Variants in C2CD5 observed in about 807,000 individuals in gnomAD.
The protein encoded by C2CD5 is C2 domain-containing protein 5.
A neutral mutation model predicts 130.3 loss-of-function variants in C2CD5; 109 were observed. The observed-to-expected ratio is 0.84, with a 90% confidence interval of 0.72 to 0.98. C2CD5 has a LOEUF of 0.98. Ranked by LOEUF, C2CD5 falls within the 50% of genes least tolerant of loss-of-function variation. The pLI is 0.00. For missense variants in C2CD5, 996 were observed against 1,261.8 expected (o/e 0.79, Z 3.19); for synonymous variants, 454 against 429.2 (o/e 1.06, Z -0.71).
At chr12:22,491,897 A>G (rs1946403151) in intron 11 of C2CD5, among the ~76,000 whole-genome samples, 1 of 151,860 alleles carries the variant, frequency 6.6e-6, no homozygotes, top group South Asian at 2.1e-4. Context: ...AAACGACAAC[A>G]ACAAAAAACA....
intron 4 of C2CD5, among the ~76,000 whole-genome samples, chr12:22,527,166 T>C (rs1401292978): frequency 6.6e-6 from 1 of 152,116 alleles, no homozygotes; most frequent in African/African-American, 2.4e-5. Flanking sequence ...GTATCAATAC[T>C]AGATCAGTTT....
intron 8 of C2CD5, among the ~76,000 whole-genome samples, chr12:22,517,714 C>T (rs1442623538): frequency 2.6e-5 from 4 of 152,066 alleles, no homozygotes; most frequent in South Asian, 2.1e-4. Flanking sequence ...CCTTTTAATT[C>T]GAGCATAAAA....
At chr12:22,489,829 T>C (rs1206658834) in intron 12 of C2CD5, among the ~76,000 whole-genome samples, 1 of 152,112 alleles carries the variant, frequency 6.6e-6, no homozygotes. Flanking sequence ...ATCCAAAGAT[T>C]ATTTCTATAT....
intron 24 of C2CD5, 79 bp downstream of exon 24, chr12:22,458,405 G>A: frequency 3.6e-6 from 2 of 555,374 alleles, no homozygotes; most frequent in Non-Finnish European, 5.4e-6. Context: ...TTACTGGGTA[G>A]TAAGGTCTAG....
chr12:22,501,679 T>C (rs1358814202), intron 10 of C2CD5, among the ~76,000 whole-genome samples: 3 of 152,280 alleles, frequency 2.0e-5, no homozygotes, highest in South Asian at 2.1e-4. Context: ...GATTTACCGA[T>C]TGATATCAAT....
intron 5 of C2CD5, 30 bp downstream of exon 5, chr12:22,525,580 C>T (rs531676106): frequency 1.0e-6 from 1 of 962,958 alleles, no homozygotes; most frequent in East Asian, 2.4e-5. Context: ...TATTACATTT[C>T]CTGTTGAGTA....
rs948798821 is a variant in C2CD5, at chr12:22,454,173, C to G, written c.2878-131G>C. On this transcript the variant is annotated intron_variant, in intron 25 of 26. Transcript: ENST00000446597. ...TAATATACCAAATAACTTAAACTTCCCTCACAATGGGGATTTACTGCATGA... is the reference window on the plus strand; with the variant it reads ...TAATATACCAAATAACTTAAACTTCGCTCACAATGGGGATTTACTGCATGA... The G allele has an allele frequency of 2.4e-5, 16 of 679,148 alleles. No individual in the cohort carries two copies. In the Middle Eastern group the frequency reaches 1.5e-3, roughly 65 times the overall value. The allele number at this position is 679,148 out of a possible 1,614,324, so 42.1% of individuals were successfully genotyped here. A position where few individuals can be genotyped will look rare whatever the true frequency, so the allele number is the denominator to read the frequency against.
intron 3 of C2CD5, among the ~76,000 whole-genome samples, chr12:22,533,527 G>A (rs1951518322): frequency 1.3e-5 from 2 of 152,152 alleles, no homozygotes; most frequent in African/African-American, 4.8e-5. Context: ...CAGATGTAGA[G>A]AGAAAGAGGG....
rs565496326 is a variant in C2CD5 at position 22,475,225 on chromosome 12, A to G, written c.1903-334T>C. 1.4e-3 allele frequency among the ~76,000 whole-genome samples: 213 copies of G among 152,276 alleles called. 1 individual carries two copies. The highest frequency in any genetic ancestry group is 4.8e-3 in the African/African-American group (201 of 41,584). On this transcript the variant is annotated intron_variant, in intron 15 of 26. Coordinates refer to ENST00000446597, the MANE Select transcript of C2CD5 (RefSeq NM_001286176.2). ...TGCTGTGTGTGCATATTTTCTATTC[A>G]GCATTATAAAAGTCCTAATAGGCCT...
chr12:22,494,611 T>TAA (rs1316337307), intron 10 of C2CD5, among the ~76,000 whole-genome samples: 1 of 152,062 alleles, frequency 6.6e-6, no homozygotes, highest in African/African-American at 2.4e-5. Context: ...GTTCTTGAAT[T>TAA]AAAGTTTTGG....
intron 26 of C2CD5, among the ~76,000 whole-genome samples, chr12:22,451,899 C>G (rs1938707345): frequency 6.6e-6 from 1 of 152,194 alleles, no homozygotes; most frequent in South Asian, 2.1e-4. Context: ...ATAATAGTAA[C>G]AACTTTTACA....
chr12:22,534,488 G>A (rs2137223203), intron 3 of C2CD5, among the ~76,000 whole-genome samples: 1 of 152,154 alleles, frequency 6.6e-6, no homozygotes, highest in African/African-American at 2.4e-5. Flanking sequence ...CTGATAATAA[G>A]TTAATATTCA....
intron 10 of C2CD5, among the ~76,000 whole-genome samples, chr12:22,504,979 G>A (rs1948304398): frequency 6.6e-6 from 1 of 151,828 alleles, no homozygotes; most frequent in African/African-American, 2.4e-5. Flanking sequence ...ACTAAAGAAG[G>A]GGAAAAAAAG....
chr12:22,510,310 G>GA (rs11447929), intron 9 of C2CD5, among the ~76,000 whole-genome samples: 24,199 of 152,092 alleles, frequency 0.16, 3,823 homozygotes, highest in African/African-American at 0.41. Context: ...ATTTTCTCCA[G>GA]AAGTCTTCAT....
chr12:22,471,567 A>G (rs1565672325), intron 19 of C2CD5, 79 bp from the exon 20 acceptor site: 1 of 698,360 alleles, frequency 1.4e-6, no homozygotes, highest in Non-Finnish European at 2.3e-6. Context: ...TGTACATTAT[A>G]TTATAGCAAA....
At position 22,458,519 on chromosome 12, in the gene C2CD5, T is replaced by G. The variant is rs1280998191; in HGVS notation, c.2651A>C (p.Lys884Thr). ...CSSWIELIKLKAQTIRRGSIK... is the reference protein window; with the variant it reads ...CSSWIELIKLTAQTIRRGSIK... ...TGATCCACGCCTTATGGTCTGAGCT[T>G]TCAGTTTAATGAGCTCTATCCAGCT... Residue 884 changes from lysine (K) to threonine (T), a missense_variant, in exon 24 of 27, where the codon AAA becomes ACA. This residue lies in a region of C2CD5 where 590 missense variants were observed against 631.4 expected (regional missense o/e 0.93). Coordinates refer to ENST00000446597, the MANE Select transcript of C2CD5 (RefSeq NM_001286176.2). 2 of 1,305,094 alleles carry G rather than the reference T, an allele frequency of 1.5e-6. No homozygotes were observed. The highest frequency in any genetic ancestry group is 2.0e-6 in the Non-Finnish European group (2 of 1,024,248). The allele number at this position is 1,305,094 out of a possible 1,614,324, so 80.8% of individuals were successfully genotyped here. A position where few individuals can be genotyped will look rare whatever the true frequency, so the allele number is the denominator to read the frequency against.
intron 2 of C2CD5, among the ~76,000 whole-genome samples, chr12:22,540,117 G>A (rs1336553529): frequency 6.6e-6 from 1 of 152,076 alleles, no homozygotes; most frequent in East Asian, 1.9e-4. Flanking sequence ...TAAATCAAGA[G>A]GCAACTCTGC....
At chr12:22,517,350 T>C (rs1314105651) in intron 8 of C2CD5, among the ~76,000 whole-genome samples, 3 of 151,828 alleles carry the variant, frequency 2.0e-5, no homozygotes, top group African/African-American at 4.8e-5. Context: ...TATAAAGAAC[T>C]AATCTGATTT....
chr12:22,469,451 A>G (rs1942659968), intron 22 of C2CD5, among the ~76,000 whole-genome samples: 3 of 152,324 alleles, frequency 2.0e-5, no homozygotes, highest in South Asian at 4.1e-4. Flanking sequence ...AACCTTTGAA[A>G]ATAAAGCTTT....
Sources: allele counts gnomAD v4.1 joint callset (sites outside exome capture counted in the v4.1 genomes callset), GRCh38; gene constraint gnomAD v4.1.1; regional missense constraint gnomAD v4.1.1; transcripts MANE v1.5; gene names NCBI Gene and HGNC (gene_info 2026-07-23, HGNC 2026-07-21).